Variants in APOL5 observed in about 807,000 individuals in gnomAD.
The protein encoded by APOL5 is apolipoprotein L5.
A neutral mutation model predicts 35.5 loss-of-function variants in APOL5; 29 were observed. That is an observed-to-expected ratio of 0.82 (90% confidence interval 0.61 to 1.11). The LOEUF is 1.11. APOL5 is among the 50% of genes most tolerant of loss of function. The pLI, the probability that APOL5 is intolerant of heterozygous loss-of-function variation, is 0.00. For synonymous variants in APOL5, 188 were observed against 200.2 expected (o/e 0.94, Z 0.51); for missense variants, 514 against 530.4 (o/e 0.97, Z 0.30).
upstream of APOL5, among the ~76,000 whole-genome samples, chr22:35,713,182 A>G (rs2145991239): frequency 6.6e-6 from 1 of 152,130 alleles, no homozygotes; most frequent in East Asian, 1.9e-4. Flanking sequence ...CATCCTTTTA[A>G]TCTAGTTTAT....
intron 3 of APOL5, among the ~76,000 whole-genome samples, chr22:35,728,515 G>C (rs996579828): frequency 6.6e-6 from 1 of 152,196 alleles, no homozygotes; most frequent in African/African-American, 2.4e-5. Context: ...GAGCAACCGC[G>C]CCCGGCCGAC....
upstream of APOL5, among the ~76,000 whole-genome samples, chr22:35,715,571 G>A (rs1926719810): frequency 6.6e-6 from 1 of 152,188 alleles, no homozygotes; most frequent in South Asian, 2.1e-4. Context: ...GCTTGAACAA[G>A]GGAGGCAGAG....
At chr22:35,717,841 T>C (rs1926814146), upstream of APOL5, 1 of 1,530,870 alleles carries the variant, frequency 6.5e-7, no homozygotes, top group East Asian at 2.4e-5. Flanking sequence ...ATTAATCATA[T>C]TATAAGCTTA....
Position 35,720,630 on chromosome 22 carries a change from G to T in APOL5, c.118G>T (p.Gly40Trp). The part of the protein sequence containing the change: ...RKVIYGGEVW[G>W]KSPEPEFPSL... ...GGTAATCTACGGAGGTGAGGTCTGGGGGAAGTCCCCAGAACCTGAGTTCCG... is the reference window on the plus strand; with the variant it reads ...GGTAATCTACGGAGGTGAGGTCTGGTGGAAGTCCCCAGAACCTGAGTTCCG... The change falls in exon 2 of 5, where the codon GGG (glycine) becomes TGG (tryptophan). Residue 40 changes from glycine (G) to tryptophan (W), a missense_variant. By Grantham distance (184) the Gly-to-Trp change is radical. Coordinates refer to ENST00000249044, the MANE Select transcript of APOL5 (RefSeq NM_030642.1). 6.2e-7 allele frequency: 1 copy of T among 1,613,940 alleles called. No homozygotes were observed. The highest frequency in any genetic ancestry group is 8.5e-7 in the Non-Finnish European group (1 of 1,179,934).
the APOL5 span, among the ~76,000 whole-genome samples, chr22:35,709,889 G>A: frequency 6.6e-6 from 1 of 151,716 alleles, no homozygotes; most frequent in East Asian, 1.9e-4. Flanking sequence ...CAGCTTCCAT[G>A]TGCTTTCCTC....
chr22:35,728,062 C>A (rs935916457), intron 3 of APOL5, among the ~76,000 whole-genome samples: 1 of 152,170 alleles, frequency 6.6e-6, no homozygotes, highest in African/African-American at 2.4e-5. Context: ...TTAAGTGGGG[C>A]CTGTGATGGG....
chr22:35,715,475 G>A (rs761410819), upstream of APOL5, among the ~76,000 whole-genome samples: 4 of 152,028 alleles, frequency 2.6e-5, no homozygotes, highest in African/African-American at 4.8e-5. Flanking sequence ...GTGAAACCCC[G>A]TCTCTACTAA....
At position 35,726,766 on chromosome 22, in the gene APOL5, G is replaced by T; in HGVS notation, c.698G>T (p.Cys233Phe). The T allele has an allele frequency of 6.2e-7, 1 of 1,614,252 alleles. No homozygotes were observed. Among genetic ancestry groups the T allele is most frequent in the Non-Finnish European group, 8.5e-7 (1 of 1,180,054 alleles). Residue 233 changes from cysteine to phenylalanine, a missense_variant, in exon 3 of 5, where the codon TGT becomes TTT. Around this residue, in one of 3 missense-constraint regions of APOL5, gnomAD observed 22 missense variants for 46.6 expected, o/e 0.47. Transcript: ENST00000249044. ...IEAAGFCVNK[C>F]VKAIQGIKDL... Reference sequence around the variant, plus strand: ...GCTGCTGGCTTTTGTGTTAATAAGTGTGTAAAAGCTATCCAGGGCATCAAG... The same window carrying T: ...GCTGCTGGCTTTTGTGTTAATAAGTTTGTAAAAGCTATCCAGGGCATCAAG...
In APOL5 at chr22:35,717,882, GC is replaced by G; in HGVS notation, c.12del (p.Lys5AsnfsTer28). The G allele has an allele frequency of 6.3e-7, 1 of 1,583,518 alleles. No homozygotes were observed. The highest frequency in any genetic ancestry group is 8.6e-7 in the Non-Finnish European group (1 of 1,164,858). On this transcript the variant is annotated frameshift_variant, in exon 1 of 5. Transcript: ENST00000249044. LOFTEE classifies it high-confidence loss of function. Reference sequence around the variant, plus strand: ...TAAAAAATCTAAAGCATGCCATGTGGCAAACAAGGAAATTTGCAAGTTCCCG... The same window carrying G: ...TAAAAAATCTAAAGCATGCCATGTGGAAACAAGGAAATTTGCAAGTTCCCG... MPC[G>X]KQGNLQVPGS...
At chr22:35,712,671 C>G in the APOL5 span, among the ~76,000 whole-genome samples, 1 of 151,564 alleles carries the variant, frequency 6.6e-6, no homozygotes, top group Non-Finnish European at 1.5e-5. Flanking sequence ...TTTGTGTAGA[C>G]CTTGTGTTGA....
chr22:35,728,977 G>A (rs1468150444), intron 4 of APOL5, 73 bp downstream of exon 4: 3 of 1,445,148 alleles, frequency 2.1e-6, no homozygotes, highest in Non-Finnish European at 2.7e-6. Flanking sequence ...TGGGTGGGTG[G>A]GCTTCAGGGA....
chr22:35,720,616 G>A lies in APOL5; in HGVS notation c.104G>A (p.Gly35Glu). The A allele has an allele frequency of 6.2e-7, 1 of 1,614,166 alleles. No individual in the cohort carries two copies. Reference sequence around the variant, plus strand: ...ATGTGGCTTCGAAAGGTAATCTACGGAGGTGAGGTCTGGGGGAAGTCCCCA... The same window carrying A: ...ATGTGGCTTCGAAAGGTAATCTACGAAGGTGAGGTCTGGGGGAAGTCCCCA... The part of the protein sequence containing the change: ...KEMWLRKVIY[G>E]GEVWGKSPEP... The change falls in exon 2 of 5, where the codon GGA becomes GAA. Residue 35 changes from glycine to glutamate, a missense_variant. Gly to Glu is a moderately conservative substitution (Grantham distance 98). Around this residue, in one of 3 missense-constraint regions of APOL5, gnomAD observed 254 missense variants for 254.7 expected, o/e 1.00. Coordinates refer to ENST00000249044, the MANE Select transcript of APOL5 (RefSeq NM_030642.1).
At chr22:35,726,145 A>C in intron 2 of APOL5, 66 bp from the exon 3 acceptor site, 1 of 1,542,832 alleles carries the variant, frequency 6.5e-7, no homozygotes, top group Non-Finnish European at 8.8e-7. Context: ...TCGACATTGT[A>C]CCTCGATTCT....
At position 35,723,819 on chromosome 22, in the gene APOL5, C is replaced by T. The variant is rs1168071810; in HGVS notation, c.143-2392C>T. Among the ~76,000 whole-genome samples the T allele has an allele frequency of 3.3e-5, 5 of 152,220 alleles. No individual in the cohort carries two copies. The East Asian group carries it at 5.8e-4, about 18-fold the overall frequency. On this transcript the variant is annotated intron_variant, in intron 2 of 4. Coordinates refer to ENST00000249044, the MANE Select transcript of APOL5 (RefSeq NM_030642.1). The stretch of plus-strand genomic sequence containing the variant: ...GCTACTAAAAACACAAAAATTAGCC[C>T]GACATGGTGGTGCATCATGCCCGGC...
At chr22:35,717,865 C>G, upstream of APOL5, 5 of 1,557,176 alleles carry the variant, frequency 3.2e-6, no homozygotes, top group Non-Finnish European at 8.7e-7. Flanking sequence ...TTTAAAAAAT[C>G]TAAAGCATGC....
chr22:35,709,382 C>T, the APOL5 span, among the ~76,000 whole-genome samples: 72 of 152,216 alleles, frequency 4.7e-4, no homozygotes, highest in Middle Eastern at 3.4e-3. Flanking sequence ...CACACACACA[C>T]ACACACACAC....
the APOL5 span, among the ~76,000 whole-genome samples, chr22:35,708,638 C>T: frequency 9.5e-4 from 144 of 152,254 alleles, 1 homozygote; most frequent in African/African-American, 3.3e-3. Flanking sequence ...GCAGAGCCGT[C>T]CATGGTTACA....
rs753544492 is a variant in APOL5, at chr22:35,728,706, G to A, written c.1127-17G>A. 4 of 1,608,044 alleles carry A rather than the reference G, an allele frequency of 2.5e-6. No homozygotes were observed. The African/African-American group carries it at 5.4e-5, about 22-fold the overall frequency. On this transcript the variant is annotated splice_polypyrimidine_tract_variant and intron_variant, in intron 3 of 4. Transcript: ENST00000249044. Reference sequence around the variant, plus strand: ...CTTTCTTGGAAGTTGTAAGACACAGGGACTCATGTTCCACAGGGTCTCGCT... The same window carrying A: ...CTTTCTTGGAAGTTGTAAGACACAGAGACTCATGTTCCACAGGGTCTCGCT...
At chr22:35,712,595 G>A in the APOL5 span, among the ~76,000 whole-genome samples, 1 of 152,062 alleles carries the variant, frequency 6.6e-6, no homozygotes, top group Non-Finnish European at 1.5e-5. Context: ...GGCACATATT[G>A]GGAGAAATAT....
Sources: gnomAD v4.1 joint callset for allele counts (sites outside exome capture counted in the v4.1 genomes callset) on GRCh38, gnomAD v4.1.1 for gene constraint, gnomAD v4.1.1 regional missense constraint, MANE v1.5 for transcripts, NCBI Gene and HGNC (gene_info 2026-07-23, HGNC 2026-07-21) for gene names.